Variants in ACSL3 observed in about 807,000 individuals in gnomAD.
The protein encoded by ACSL3 is fatty acid CoA ligase Acsl3.
Under a neutral mutation model 84.7 loss-of-function variants are expected in ACSL3, and 34 were observed. The observed-to-expected ratio is 0.40, with a 90% CI of 0.31 to 0.53. The LOEUF (loss-of-function observed/expected upper bound fraction) is 0.53. ACSL3 is among the 20% of genes least tolerant of loss of function. The pLI is 0.48. For missense variants in ACSL3, 680 were observed against 873.1 expected (o/e 0.78, Z 2.79); for synonymous variants, 315 against 299.4 (o/e 1.05, Z -0.54).
chr2:222,933,721 G>T (rs1697096039), intron 15 of ACSL3: 1 of 153,010 alleles, frequency 6.5e-6, no homozygotes, highest in Admixed American at 6.5e-5. Context: ...TATGTAAGCT[G>T]TGTTAAGCTG....
At chr2:222,923,725 G>A (rs527867921) in intron 10 of ACSL3, among the ~76,000 whole-genome samples, 4 of 152,236 alleles carry the variant, frequency 2.6e-5, no homozygotes, top group East Asian at 3.9e-4. Context: ...AATTATTGTC[G>A]GGTACCTAAA....
intron 2 of ACSL3, among the ~76,000 whole-genome samples, chr2:222,895,470 C>CTTTTTTTT (rs1164470428): frequency 1.1e-3 from 17 of 15,604 alleles, no homozygotes; most frequent in Admixed American, 1.6e-3. Flanking sequence ...TTACTTTGTT[C>CTTTTTTTT]TTTTTTTTTT....
rs1185660585 is a variant in ACSL3, at chr2:222,916,495, G to A, written c.555G>A (p.Gln185=). ...AGGCGTGTTTTATGTATAATTTTCAGCGTATGTAGACTTTCTTATCTTCTG... is the reference window on the plus strand; with the variant it reads ...AGGCGTGTTTTATGTATAATTTTCAACGTATGTAGACTTTCTTATCTTCTG... ...AAQACFMYNF[Q]LVTLYATLGG... Residue 185 remains glutamine (Q), a splice_region_variant and synonymous_variant, in exon 5 of 17, where the codon CAG becomes CAA. Transcript: ENST00000357430. 6.3e-7 allele frequency: 1 copy of A among 1,586,284 alleles called. No homozygotes were observed. The highest frequency in any genetic ancestry group is 1.7e-5 in the Admixed American group (1 of 57,280).
chr2:222,877,772 C>G (rs1695487902), intron 1 of ACSL3, among the ~76,000 whole-genome samples: 3 of 152,004 alleles, frequency 2.0e-5, no homozygotes, highest in Admixed American at 2.0e-4. Flanking sequence ...TGGGAATTGC[C>G]CTTGATGCAT....
In ACSL3 at chr2:222,934,599, A is replaced by G. The variant is rs748909476; in HGVS notation, c.1917A>G (p.Lys639=). The change falls in exon 16 of 17, where the codon AAA becomes AAG. Residue 639 remains lysine (K), a synonymous_variant. Transcript: ENST00000357430. ...AACTAACTGAACTAGCTCGAAAGAAAGGACTTAAAGGGACTTGGGAGGAGC... is the reference window on the plus strand; with the variant it reads ...AACTAACTGAACTAGCTCGAAAGAAGGGACTTAAAGGGACTTGGGAGGAGC... ...QKELTELARK[K]GLKGTWEELC... 1.1e-5 allele frequency: 18 copies of G among 1,605,308 alleles called. No homozygotes were observed. The South Asian group carries it at 1.8e-4, about 16-fold the overall frequency.
chr2:222,866,312 AT>A (rs767567867), intron 1 of ACSL3, among the ~76,000 whole-genome samples: 130 of 152,032 alleles, frequency 8.6e-4, no homozygotes, highest in African/African-American at 3.1e-3. Flanking sequence ...TGCCCGGCTA[AT>A]TTTTTGTATT....
rs140689834 is a variant in ACSL3 at position 222,924,564 on chromosome 2, T to G, written c.1261T>G (p.Ser421Ala). 4.3e-6 allele frequency: 7 copies of G among 1,609,912 alleles called. No homozygotes were observed. Among genetic ancestry groups the G allele is most frequent in the Middle Eastern group, 3.3e-4 (2 of 6,048 alleles). The change falls in exon 11 of 17, where the codon TCA (serine) becomes GCA (alanine). Residue 421 changes from serine to alanine, a missense_variant. Coordinates refer to ENST00000357430, the MANE Select transcript of ACSL3 (RefSeq NM_004457.5). ...LAYNYKMEQISKGRNTPLCDS... is the reference protein window; with the variant it reads ...LAYNYKMEQIAKGRNTPLCDS... ...CTATAATTACAAAATGGAACAGATT[T>G]CAAAAGGACGTAATACTCCACTGTG...
intron 16 of ACSL3, among the ~76,000 whole-genome samples, chr2:222,940,065 C>T (rs113089964): frequency 0.023 from 3,463 of 152,274 alleles, 124 homozygotes; most frequent in African/African-American, 0.076. Flanking sequence ...GTCCTACTGA[C>T]GACATACGGT....
In ACSL3 at chr2:222,930,813, G is replaced by GT; in HGVS notation, c.1732+2dup. The GT allele has an allele frequency of 6.3e-7, 1 of 1,587,324 alleles. No individual in the cohort carries two copies. On this transcript the variant is annotated splice_donor_variant, in intron 14 of 16. Coordinates refer to ENST00000357430, the MANE Select transcript of ACSL3 (RefSeq NM_004457.5). LOFTEE classifies it high-confidence loss of function. ...CCCGATGGATGCTTAAAGATTATTG[G>GT]TAAGTCATCTAATATTTTTTTGAAA...
At chr2:222,901,715 G>T (rs1167130910) in intron 3 of ACSL3, among the ~76,000 whole-genome samples, 2 of 151,374 alleles carry the variant, frequency 1.3e-5, no homozygotes, top group Non-Finnish European at 1.5e-5. Flanking sequence ...GGGAGGCCAA[G>T]GTGGGCGGAT....
At chr2:222,861,707 G>C (rs1048158417) in intron 1 of ACSL3, 2 of 152,532 alleles carry the variant, frequency 1.3e-5, no homozygotes, top group Admixed American at 1.3e-4. Flanking sequence ...GGCGGGGCGG[G>C]AGGGGCTGTT....
intron 4 of ACSL3, among the ~76,000 whole-genome samples, chr2:222,912,274 G>A (rs890338773): frequency 6.6e-6 from 1 of 152,208 alleles, no homozygotes; most frequent in African/African-American, 2.4e-5. Flanking sequence ...ACTGCAGAGT[G>A]GGTATCTCAG....
At position 222,919,116 on chromosome 2, in the gene ACSL3, A is replaced by G; in HGVS notation, c.719A>G (p.Lys240Arg). The part of the protein sequence containing the change: ...RLRHIITVDG[K>R]PPTWSEFPKG... ...CGGCACATCATCACTGTTGATGGAA[A>G]GCCACCGACCTGGTCCGAGTTCCCC... is the stretch of plus-strand genomic sequence containing the variant. Residue 240 changes from lysine to arginine, a missense_variant, in exon 7 of 17, where the codon AAG (lysine) becomes AGG (arginine). By Grantham distance (26) the Lys-to-Arg change is conservative (BLOSUM62 2). This residue lies in a region of ACSL3 where 333 missense variants were observed against 347.5 expected (regional missense o/e 0.96). Coordinates refer to ENST00000357430, the MANE Select transcript of ACSL3 (RefSeq NM_004457.5). 1 of 1,614,178 alleles carries G rather than the reference A, an allele frequency of 6.2e-7. No individual in the cohort carries two copies. Among genetic ancestry groups the G allele is most frequent in the South Asian group, 1.1e-5 (1 of 91,080 alleles).
chr2:222,919,774 T>A (rs1328266708), intron 7 of ACSL3, among the ~76,000 whole-genome samples: 1 of 152,228 alleles, frequency 6.6e-6, no homozygotes, highest in Admixed American at 6.5e-5. Flanking sequence ...GTTGGAAACC[T>A]AGTAATTAGA....
intron 4 of ACSL3, among the ~76,000 whole-genome samples, chr2:222,912,872 A>G (rs1476015144): frequency 6.6e-6 from 1 of 152,210 alleles, no homozygotes; most frequent in Non-Finnish European, 1.5e-5. Flanking sequence ...ATGGTTTTAT[A>G]AAACTGTAGC....
chr2:222,936,848 G>A (rs1697184338), intron 16 of ACSL3, among the ~76,000 whole-genome samples: 1 of 152,076 alleles, frequency 6.6e-6, no homozygotes, highest in South Asian at 2.1e-4. Context: ...CGGCAGGCGA[G>A]AGAGCAAATG....
At chr2:222,917,963 T>C (rs1483537296) in intron 5 of ACSL3, 83 bp from the exon 6 acceptor site, 11 of 1,002,164 alleles carry the variant, frequency 1.1e-5, no homozygotes, top group Middle Eastern at 2.8e-4. Flanking sequence ...TAATGCGTTA[T>C]TATGATTCAT....
chr2:222,861,952 G>C (rs1695024587), intron 1 of ACSL3, among the ~76,000 whole-genome samples: 2 of 152,166 alleles, frequency 1.3e-5, no homozygotes, highest in Admixed American at 1.3e-4. Context: ...TCGTTTCACA[G>C]ATGAGGAGCC....
intron 3 of ACSL3, among the ~76,000 whole-genome samples, 198 bp from the exon 4 acceptor site, chr2:222,908,535 G>T (rs1696356161): frequency 6.6e-6 from 1 of 152,108 alleles, no homozygotes; most frequent in Non-Finnish European, 1.5e-5. Context: ...ACAGTATGAT[G>T]TGGAAACTTT....
Sources: allele counts gnomAD v4.1 joint callset (sites outside exome capture counted in the v4.1 genomes callset), GRCh38; gene constraint gnomAD v4.1.1; regional missense constraint gnomAD v4.1.1; transcripts MANE v1.5; gene names NCBI Gene and HGNC (gene_info 2026-07-23, HGNC 2026-07-21).